MMRN1: variants seen among roughly 807,000 people sequenced by gnomAD.
MMRN1 encodes multimerin 1, also known as multimerin-1.
A neutral mutation model predicts 100.7 loss-of-function variants in MMRN1; 94 were observed. The observed-to-expected ratio is 0.93, with a 90% CI of 0.79 to 1.11. The LOEUF is 1.11. Among genes scored for constraint, MMRN1 ranks in the 50% least tolerant of loss-of-function variants. The probability of loss-of-function intolerance (pLI) is 0.00; values close to 1 mark genes in which losing one functional copy is unlikely to be tolerated. For synonymous variants in MMRN1, 575 were observed against 505.0 expected (o/e 1.14, Z -1.86); for missense variants, 1,606 against 1,439.1 (o/e 1.12, Z -1.88).
At chr4:89,946,271 C>G (rs1229640204) in intron 6 of MMRN1, among the ~76,000 whole-genome samples, 1 of 152,174 alleles carries the variant, frequency 6.6e-6, no homozygotes, top group Admixed American at 6.5e-5. Context: ...ATGCTTTCAT[C>G]TGTGTATTAT....
intron 2 of MMRN1, among the ~76,000 whole-genome samples, chr4:89,911,550 G>A (rs113245779): frequency 0.015 from 2,247 of 151,332 alleles, 67 homozygotes; most frequent in African/African-American, 0.051. Flanking sequence ...AGGAAATACA[G>A]ATCTTTTTAA....
chr4:89,913,858 A>C (rs527640775), intron 3 of MMRN1, among the ~76,000 whole-genome samples: 4 of 151,500 alleles, frequency 2.6e-5, no homozygotes, highest in Admixed American at 1.3e-4. Flanking sequence ...TTTTCTACGG[A>C]AATCTACAAT....
chr4:89,941,741 C>T (rs1247034377), intron 6 of MMRN1, among the ~76,000 whole-genome samples: 2 of 152,184 alleles, frequency 1.3e-5, no homozygotes, highest in African/African-American at 4.8e-5. Context: ...ATATCAGTCT[C>T]TGGCCTACTA....
intron 6 of MMRN1, among the ~76,000 whole-genome samples, chr4:89,939,935 A>G (rs1722770689): frequency 6.6e-6 from 1 of 152,142 alleles, no homozygotes; most frequent in Non-Finnish European, 1.5e-5. Context: ...GATAGTCACA[A>G]GATCTTCCTT....
chr4:89,921,763 C>T lies in MMRN1; in HGVS notation c.851-1405C>T, dbSNP rs367778027. ...CATGAATGGAAATTCATTAATTTAGCTCAATGCCCTGAAGAAAAACAATGC... is the reference window on the plus strand; with the variant it reads ...CATGAATGGAAATTCATTAATTTAGTTCAATGCCCTGAAGAAAAACAATGC... On this transcript the variant is annotated intron_variant, in intron 3 of 7. Coordinates refer to ENST00000264790, the MANE Select transcript of MMRN1 (RefSeq NM_007351.3). Among the ~76,000 whole-genome samples, 133 of 152,246 alleles carry T rather than the reference C, an allele frequency of 8.7e-4. 1 individual carries two copies. The South Asian group carries it at 0.025, about 29-fold the overall frequency.
At position 89,935,485 on chromosome 4, in the gene MMRN1, A is replaced by AT; in HGVS notation, c.1809dup (p.Lys604Ter). 6.2e-7 allele frequency: 1 copy of AT among 1,613,524 alleles called. No individual in the cohort carries two copies. The highest frequency in any genetic ancestry group is 8.5e-7 in the Non-Finnish European group (1 of 1,179,752). On this transcript the variant is annotated frameshift_variant, in exon 6 of 8. Transcript: ENST00000264790. LOFTEE classifies it high-confidence loss of function. ...GACATGTTATCCAAATGCAGAAATGATTTTAAATTTCAACTTAAGGACACA... is the reference window on the plus strand; with the variant it reads ...GACATGTTATCCAAATGCAGAAATGATTTTTAAATTTCAACTTAAGGACACA...
intron 6 of MMRN1, among the ~76,000 whole-genome samples, chr4:89,942,505 T>C (rs1722864815): frequency 6.6e-6 from 1 of 152,166 alleles, no homozygotes; most frequent in African/African-American, 2.4e-5. Flanking sequence ...AGCTGTGTAA[T>C]ATACTAACTG....
chr4:89,888,023 G>A (rs1299996577), intron 1 of MMRN1, among the ~76,000 whole-genome samples: 1 of 151,584 alleles, frequency 6.6e-6, no homozygotes, highest in Non-Finnish European at 1.5e-5. Context: ...TATTCATTTT[G>A]TTCACATATT....
In MMRN1 at chr4:89,934,864, T is replaced by C; in HGVS notation, c.1184T>C (p.Phe395Ser). 1 of 1,585,486 alleles carries C rather than the reference T, an allele frequency of 6.3e-7. No homozygotes were observed. The highest frequency in any genetic ancestry group is 8.5e-7 in the Non-Finnish European group (1 of 1,169,646). Residue 395 changes from phenylalanine (F) to serine (S), a missense_variant, in exon 6 of 8, where the codon TTT (phenylalanine) becomes TCT (serine). Transcript: ENST00000264790. ...ATAAGAGACATAGTAAGAGAACAAT[T>C]TAAAATTTTTCAAAATGACATGCAA... Reference protein sequence around the residue: ...VLIRDIVREQFKIFQNDMQET... With the variant: ...VLIRDIVREQSKIFQNDMQET...
chr4:89,950,735 A>T (rs1039917332), intron 6 of MMRN1, among the ~76,000 whole-genome samples: 7 of 151,670 alleles, frequency 4.6e-5, no homozygotes, highest in Non-Finnish European at 8.8e-5. Flanking sequence ...TTTTTATTTA[A>T]AAAATTAGAG....
chr4:89,893,978 T>C (rs1377364453), upstream of MMRN1, among the ~76,000 whole-genome samples: 1 of 152,134 alleles, frequency 6.6e-6, no homozygotes, highest in Non-Finnish European at 1.5e-5. Context: ...AAAACTCAGA[T>C]AAATCTGGTT....
chr4:89,892,796 T>C (rs76644078), upstream of MMRN1, among the ~76,000 whole-genome samples: 3,895 of 152,122 alleles, frequency 0.026, 86 homozygotes, highest in Non-Finnish European at 0.04. Context: ...TTATCAGTTA[T>C]AGATCCAATG....
intron 1 of MMRN1, among the ~76,000 whole-genome samples, chr4:89,886,747 T>C (rs1190530808): frequency 1.3e-5 from 2 of 152,148 alleles, no homozygotes; most frequent in African/African-American, 4.8e-5. Flanking sequence ...TGGTTGTACA[T>C]ACTTATGGAG....
chr4:89,899,145 A>T (rs577573677), intron 1 of MMRN1, among the ~76,000 whole-genome samples: 1 of 151,852 alleles, frequency 6.6e-6, no homozygotes, highest in African/African-American at 2.4e-5. Flanking sequence ...TGTTTATTAC[A>T]GGTTCTTTTC....
In MMRN1 at chr4:89,935,439, T is replaced by C. The variant is rs922880003; in HGVS notation, c.1759T>C (p.Ser587Pro). Residue 587 changes from serine (S) to proline (P), a missense_variant, in exon 6 of 8, where the codon TCT becomes CCT. Coordinates refer to ENST00000264790, the MANE Select transcript of MMRN1 (RefSeq NM_007351.3). ...LTVSLEMEKE[S>P]LRGECEDMLS... Reference sequence around the variant, plus strand: ...CGTCTCTTTGGAGATGGAGAAAGAGTCTCTCAGAGGTGAATGTGAAGACAT... The same window carrying C: ...CGTCTCTTTGGAGATGGAGAAAGAGCCTCTCAGAGGTGAATGTGAAGACAT... 42 of 1,613,138 alleles carry C rather than the reference T, an allele frequency of 2.6e-5. No individual in the cohort carries two copies. Among genetic ancestry groups the C allele is most frequent in the Non-Finnish European group, 3.6e-5 (42 of 1,179,710 alleles).
At chr4:89,880,105 A>G (rs996641969) in intron 1 of MMRN1, among the ~76,000 whole-genome samples, 13 of 152,190 alleles carry the variant, frequency 8.5e-5, no homozygotes, top group Middle Eastern at 3.2e-3. Flanking sequence ...AGCTGTTTAC[A>G]TGTTTTCTAA....
At chr4:89,924,286 G>A (rs902337802) in intron 4 of MMRN1, among the ~76,000 whole-genome samples, 3 of 151,208 alleles carry the variant, frequency 2.0e-5, no homozygotes, top group African/African-American at 7.4e-5. Flanking sequence ...TTTTGAGAGT[G>A]TAACAGTAAC....
chr4:89,887,545 A>C (rs190345861), intron 1 of MMRN1, among the ~76,000 whole-genome samples: 232 of 152,148 alleles, frequency 1.5e-3, no homozygotes, highest in African/African-American at 5.3e-3. Context: ...TACTAGGTAC[A>C]TTTATATTCA....
Position 89,887,605 on chromosome 4 carries a change from T to A in MMRN1, c.-248-7119T>A, listed in dbSNP as rs79398575. Among the ~76,000 whole-genome samples, 5 of 152,238 alleles carry A rather than the reference T, an allele frequency of 3.3e-5. No homozygotes were observed. In the East Asian group the frequency reaches 9.6e-4, roughly 29 times the overall value. On this transcript the variant is annotated intron_variant, in intron 1 of 8. Transcript: ENST00000394980. ...TCCTTTCATCCTTCCTTGCCCTTTT[T>A]ATATGAAGTGAGTATTTTCTAAATA...
Sources: allele counts gnomAD v4.1 joint callset (sites outside exome capture counted in the v4.1 genomes callset), GRCh38; gene constraint gnomAD v4.1.1; transcripts MANE v1.5; gene names NCBI Gene and HGNC (gene_info 2026-07-23, HGNC 2026-07-21).